Variants in CAPZB observed in about 807,000 individuals in gnomAD.
CAPZB encodes capping actin protein of muscle Z-line subunit beta.
In CAPZB, 2 loss-of-function variants were observed where a neutral mutation model predicts 38.1. That is an observed-to-expected ratio of 0.05 (90% CI 0.02 to 0.17). The LOEUF (loss-of-function observed/expected upper bound fraction) is 0.17. Ranked by LOEUF, CAPZB falls within the 10% of genes least tolerant of loss-of-function variation. The probability of loss-of-function intolerance (pLI) is 1.00; values close to 1 mark genes in which losing one functional copy is unlikely to be tolerated. For synonymous variants in CAPZB, 107 were observed against 127.4 expected (o/e 0.84, Z 1.08); for missense variants, 161 against 334.2 (o/e 0.48, Z 4.04).
intron 2 of CAPZB, among the ~76,000 whole-genome samples, chr1:19,386,040 C>T (rs1189313836): frequency 2.0e-5 from 3 of 152,208 alleles, no homozygotes; most frequent in Admixed American, 6.5e-5. Context: ...AAAACTCGTC[C>T]GTGCCGGGAA....
In CAPZB at chr1:19,393,442, G is replaced by A. The variant is rs78470285; in HGVS notation, c.94-7816C>T. On this transcript the variant is annotated intron_variant, in intron 2 of 8. Transcript: ENST00000264202. ...GAGCTAGGGTATGGCGCACCTATTC[G>A]GAGGCAGGATTGAGGGCACCCCCCA... Among the ~76,000 whole-genome samples the A allele has an allele frequency of 9.9e-3, 1,507 of 152,282 alleles. 67 individuals are homozygous for A. In the East Asian group the frequency reaches 0.13, roughly 14 times the overall value.
Position 19,412,025 on chromosome 1 carries a change from G to A in CAPZB, c.93+7636C>T, listed in dbSNP as rs375265100. Among the ~76,000 whole-genome samples the A allele has an allele frequency of 1.5e-3, 233 of 152,288 alleles. 1 individual carries two copies. The highest frequency in any genetic ancestry group is 5.0e-3 in the African/African-American group (206 of 41,562). ...CCCTGCCTCAGTCCCCACAGCTGCCGCCCATTCACAGAGCAAAAGGCTCAC... is the reference window on the plus strand; with the variant it reads ...CCCTGCCTCAGTCCCCACAGCTGCCACCCATTCACAGAGCAAAAGGCTCAC... On this transcript the variant is annotated intron_variant, in intron 2 of 8. Coordinates refer to ENST00000264202, the MANE Select transcript of CAPZB (RefSeq NM_004930.5).
At position 19,389,488 on chromosome 1, in the gene CAPZB, C is replaced by T. The variant is rs1027328854; in HGVS notation, c.94-3862G>A. Among the ~76,000 whole-genome samples the T allele has an allele frequency of 7.2e-5, 11 of 151,986 alleles. No homozygotes were observed. In the East Asian group the frequency reaches 1.7e-3, roughly 24 times the overall value. ...TGTCACCCAGGCTGGAGTGCAGTGG[C>T]GCGATCTCGGCTCACTGCAAGCTCC... is the stretch of plus-strand genomic sequence containing the variant. On this transcript the variant is annotated intron_variant, in intron 2 of 8. Transcript: ENST00000264202.
chr1:19,484,604 T>C, intron 1 of CAPZB: 1 of 1,201,750 alleles, frequency 8.3e-7, no homozygotes, highest in Non-Finnish European at 1.1e-6. Flanking sequence ...ACCCCATCCC[T>C]GATGGAGAGC....
At chr1:19,439,169 C>A (rs774108190) in intron 1 of CAPZB, among the ~76,000 whole-genome samples, 57 of 152,252 alleles carry the variant, frequency 3.7e-4, no homozygotes, top group Non-Finnish European at 6.2e-4. Flanking sequence ...GGACAGGAAG[C>A]AACACGTCTC....
intron 2 of CAPZB, among the ~76,000 whole-genome samples, chr1:19,415,840 A>G (rs1006104013): frequency 2.6e-5 from 4 of 152,272 alleles, no homozygotes; most frequent in Non-Finnish European, 4.4e-5. Flanking sequence ...CGCCTGGCCA[A>G]TGCATGTCAA....
rs1249421356 is a variant in CAPZB, at chr1:19,439,655, C to T, written c.4-19905G>A. Among the ~76,000 whole-genome samples the T allele has an allele frequency of 3.3e-5, 5 of 152,260 alleles. No individual in the cohort carries two copies. In the South Asian group the frequency reaches 1.0e-3, roughly 31 times the overall value. Reference sequence around the variant, plus strand: ...GCAAGTTCTCTGCCACATGGCATCCCTCAGACACCTGAAGTGAGCCATCTC... The same window carrying T: ...GCAAGTTCTCTGCCACATGGCATCCTTCAGACACCTGAAGTGAGCCATCTC... On this transcript the variant is annotated intron_variant, in intron 1 of 8. Coordinates refer to ENST00000264202, the MANE Select transcript of CAPZB (RefSeq NM_004930.5).
chr1:19,457,709 C>T (rs778654849), intron 1 of CAPZB, among the ~76,000 whole-genome samples: 10 of 152,250 alleles, frequency 6.6e-5, no homozygotes, highest in Non-Finnish European at 1.0e-4. Flanking sequence ...TGTTATGAAT[C>T]GGCCTGACAC....
chr1:19,453,450 G>A (rs2094523184), intron 1 of CAPZB, among the ~76,000 whole-genome samples: 2 of 147,898 alleles, frequency 1.4e-5, no homozygotes, highest in East Asian at 2.1e-4. Context: ...TAGTAGAGAC[G>A]GCGTTTCACC....
At chr1:19,347,496 C>T (rs569123246) in intron 6 of CAPZB, among the ~76,000 whole-genome samples, 1 of 152,334 alleles carries the variant, frequency 6.6e-6, no homozygotes, top group African/African-American at 2.4e-5. Context: ...CCCCCACCCA[C>T]TCCCCTCCAC....
At chr1:19,484,557 C>G in intron 1 of CAPZB, 1 of 1,272,696 alleles carries the variant, frequency 7.9e-7, no homozygotes, top group Non-Finnish European at 1.0e-6. Flanking sequence ...GGCGGCCTCC[C>G]TAGAAGCGGC....
chr1:19,364,846 T>TC (rs1343558148), intron 4 of CAPZB, among the ~76,000 whole-genome samples: 11 of 152,144 alleles, frequency 7.2e-5, no homozygotes, highest in African/African-American at 2.7e-4. Context: ...TTTTTCTTTT[T>TC]TTTTTTCTCT....
At chr1:19,484,759 G>C in intron 1 of CAPZB, 1 of 1,022,254 alleles carries the variant, frequency 9.8e-7, no homozygotes, top group African/African-American at 1.7e-5. Flanking sequence ...TACGCTAGGA[G>C]TGGCGAAAAG....
At chr1:19,348,527 G>C (rs1016887874) in intron 6 of CAPZB, among the ~76,000 whole-genome samples, 3 of 152,096 alleles carry the variant, frequency 2.0e-5, no homozygotes, top group African/African-American at 7.2e-5. Context: ...TGTGTGCTAG[G>C]GGAGACACAA....
chr1:19,449,921 G>A (rs550360829), intron 1 of CAPZB, among the ~76,000 whole-genome samples: 1 of 151,772 alleles, frequency 6.6e-6, no homozygotes, highest in Non-Finnish European at 1.5e-5. Context: ...CAGGAGAATC[G>A]ATTTGAGCCC....
At chr1:19,381,101 G>A (rs181903425) in intron 3 of CAPZB, among the ~76,000 whole-genome samples, 182 of 152,160 alleles carry the variant, frequency 1.2e-3, no homozygotes, top group Admixed American at 3.7e-3. Context: ...CCCAGAAGGC[G>A]GAGGCTGCAG....
chr1:19,400,861 T>C (rs916354483), intron 2 of CAPZB, among the ~76,000 whole-genome samples: 1 of 152,196 alleles, frequency 6.6e-6, no homozygotes, highest in Non-Finnish European at 1.5e-5. Context: ...GCCATCTTTT[T>C]CACCACTGGA....
chr1:19,422,734 A>ACAACAACAC (rs2094406481), intron 1 of CAPZB, among the ~76,000 whole-genome samples: 1 of 85,560 alleles, frequency 1.2e-5, no homozygotes, highest in Non-Finnish European at 2.5e-5. Flanking sequence ...CTCAAAAACA[A>ACAACAACAC]CAACAACAAC....
intron 6 of CAPZB, among the ~76,000 whole-genome samples, chr1:19,354,595 G>A (rs905539610): frequency 5.3e-5 from 8 of 152,220 alleles, no homozygotes; most frequent in Admixed American, 2.6e-4. Context: ...CCTGGCCAAG[G>A]TGTGCTGAGG....
Sources: allele counts gnomAD v4.1 joint callset (sites outside exome capture counted in the v4.1 genomes callset), GRCh38; gene constraint gnomAD v4.1.1; transcripts MANE v1.5; gene names NCBI Gene and HGNC (gene_info 2026-07-23, HGNC 2026-07-21).